The following SARM1 variants were observed in gnomAD, a reference collection of about 807,000 sequenced individuals.
SARM1 encodes the protein NAD(+) hydrolase SARM1.
In SARM1, 60 loss-of-function variants were observed where a neutral mutation model predicts 65.1. The observed-to-expected ratio is 0.92, with a 90% CI of 0.75 to 1.14. The LOEUF (loss-of-function observed/expected upper bound fraction) is 1.14, where lower values mean the gene tolerates loss of function less well. Among genes scored for constraint, SARM1 ranks in the 50% most tolerant of loss-of-function variants. The pLI is 0.00. For synonymous variants in SARM1, 417 were observed against 465.4 expected (o/e 0.90, Z 1.34); for missense variants, 913 against 1,015.7 (o/e 0.90, Z 1.37).
At chr17:28,387,153 C>G (rs2068054622) in intron 5 of SARM1, among the ~76,000 whole-genome samples, 2 of 152,042 alleles carry the variant, frequency 1.3e-5, no homozygotes, top group African/African-American at 4.8e-5. Context: ...GAATGACATG[C>G]TCAGATTTGG....
Position 28,385,584 on chromosome 17 carries a change from T to C in SARM1, c.1630+309T>C. 2.3e-6 allele frequency: 1 copy of C among 436,832 alleles called. No homozygotes were observed. The highest frequency in any genetic ancestry group is 4.1e-6 in the Non-Finnish European group (1 of 244,574). 27.1% of individuals were successfully genotyped at this position (436,832 alleles called of 1,614,324 possible). A position where few individuals can be genotyped will look rare whatever the true frequency, so the allele number is the denominator to read the frequency against. On this transcript the variant is annotated intron_variant, in intron 5 of 8. Coordinates refer to ENST00000585482, the MANE Select transcript of SARM1 (RefSeq NM_015077.4). The surrounding 1 kb of genome is among the most constrained non-coding windows in gnomAD (Gnocchi z 4.5). ...CCAGCCCACCCCATCCACCCAGGTC[T>C]AGATTTCAGAGAGGACAGGATGCCT...
Position 28,398,532 on chromosome 17 carries a change from G to C in SARM1, c.*2246G>C, listed in dbSNP as rs1275644313. 6.6e-6 allele frequency: 1 copy of C among 152,304 alleles called. No individual in the cohort carries two copies. Among genetic ancestry groups the C allele is most frequent in the East Asian group, 1.9e-4 (1 of 5,186 alleles). 9.4% of individuals were successfully genotyped at this position (152,304 alleles called of 1,614,324 possible). On this transcript the variant is annotated 3_prime_UTR_variant, in exon 9 of 9. Transcript: ENST00000585482. ...AGAAGTGGCCTTTCCTCCAAAGCCT[G>C]CTCAGACACAGGTCTGTAGGGCCAG...
rs2068045850 is a variant in SARM1, at chr17:28,385,372, C to T, written c.1630+97C>T. On this transcript the variant is annotated intron_variant, in intron 5 of 8. Transcript: ENST00000585482. This position sits in a 1 kb window ranked among gnomAD's most constrained non-coding sequence, Gnocchi z 4.5. ...ACGGGGTGGAGCCTTCCAGCCTCGC[C>T]GTGGATTGATTGAGCACAAACGTGG... 3 of 935,160 alleles carry T rather than the reference C, an allele frequency of 3.2e-6. No individual in the cohort carries two copies. In the African/African-American group the frequency reaches 5.0e-5, roughly 16 times the overall value. The allele number at this position is 935,160 out of a possible 1,614,324, so 57.9% of individuals were successfully genotyped here.
In SARM1 at chr17:28,403,201, G is replaced by C. The variant is rs1555590020; in HGVS notation, c.*6915G>C. On this transcript the variant is annotated 3_prime_UTR_variant, in exon 9 of 9. Transcript: ENST00000585482. ...GGACTTCTGGCCTCCAGAACTGTGA[G>C]AGAATATGTTTCTGTTGTGTTAAGC... 6.6e-6 allele frequency: 1 copy of C among 152,274 alleles called. No homozygotes were observed. Among genetic ancestry groups the C allele is most frequent in the African/African-American group, 2.4e-5 (1 of 41,444 alleles). 9.4% of individuals were successfully genotyped at this position (152,274 alleles called of 1,614,324 possible).
Position 28,372,507 on chromosome 17 carries a change from G to A in SARM1, c.470+5G>A, listed in dbSNP as rs1418688530. 1 of 1,525,498 alleles carries A rather than the reference G, an allele frequency of 6.6e-7. No individual in the cohort carries two copies. The highest frequency in any genetic ancestry group is 2.0e-5 in the Admixed American group (1 of 50,456). 94.5% of individuals were successfully genotyped at this position (1,525,498 alleles called of 1,614,324 possible). On this transcript the variant is annotated splice_donor_5th_base_variant and intron_variant, in intron 1 of 8. Coordinates refer to ENST00000585482, the MANE Select transcript of SARM1 (RefSeq NM_015077.4). This position sits in a 1 kb window ranked among gnomAD's most constrained non-coding sequence, Gnocchi z 5.2. ...GATCCTGGTGGCTGAGAACCGGTGA[G>A]CGCGCCAGGCCGGGGTTGGGAGAGC...
chr17:28,389,243 A>G (rs2068068887), intron 7 of SARM1, among the ~76,000 whole-genome samples: 1 of 152,192 alleles, frequency 6.6e-6, no homozygotes, highest in Non-Finnish European at 1.5e-5. Flanking sequence ...AGGGTATAAT[A>G]ATAGTATCTA....
At position 28,397,170 on chromosome 17, in the gene SARM1, A is replaced by G. The variant is rs537647948; in HGVS notation, c.*884A>G. The G allele has an allele frequency of 6.5e-6, 1 of 152,936 alleles. No homozygotes were observed. Among genetic ancestry groups the G allele is most frequent in the East Asian group, 1.9e-4 (1 of 5,198 alleles). The allele number at this position is 152,936 out of a possible 1,614,324, so 9.5% of individuals were successfully genotyped here. A position where few individuals can be genotyped will look rare whatever the true frequency, so the allele number is the denominator to read the frequency against. ...GGGACCAGGCAGCCCCCATGGCAGTAAAAGCAGCCTAGACAGAACCTGCAG... is the reference window on the plus strand; with the variant it reads ...GGGACCAGGCAGCCCCCATGGCAGTGAAAGCAGCCTAGACAGAACCTGCAG... On this transcript the variant is annotated 3_prime_UTR_variant, in exon 9 of 9. Coordinates refer to ENST00000585482, the MANE Select transcript of SARM1 (RefSeq NM_015077.4).
chr17:28,388,563 C>A (rs562369897), intron 7 of SARM1, 24 bp downstream of exon 7: 1 of 1,604,302 alleles, frequency 6.2e-7, no homozygotes, highest in Non-Finnish European at 8.5e-7. Context: ...TATGCTTCTG[C>A]GGTCCCAGCA....
chr17:28,391,186 C>A (rs531911869), intron 7 of SARM1, among the ~76,000 whole-genome samples: 146 of 152,244 alleles, frequency 9.6e-4, no homozygotes, highest in African/African-American at 3.4e-3. Context: ...GTATTTACAC[C>A]AAGGAAATTG....
rs35201495 is a variant in SARM1, at chr17:28,388,422, G to A, written c.1806G>A (p.Lys602=). The A allele has an allele frequency of 6.2e-7, 1 of 1,613,892 alleles. No individual in the cohort carries two copies. The highest frequency in any genetic ancestry group is 1.3e-5 in the African/African-American group (1 of 74,930). The part of the protein sequence containing the change: ...FIDVEKLEAG[K]FEDKLIQSVM... ...ATGTGGAGAAGCTGGAAGCAGGCAA[G>A]TTCGAGGACAAACTCATCCAGAGTG... is the stretch of plus-strand genomic sequence containing the variant. Residue 602 remains lysine (K), a synonymous_variant, in exon 7 of 9, where the codon AAG becomes AAA. Transcript: ENST00000585482.
chr17:28,385,572 T>A lies in SARM1; in HGVS notation c.1630+297T>A, dbSNP rs2068046851. ...CACAGAGGAAGCCCAGCCCACCCCA[T>A]CCACCCAGGTCTAGATTTCAGAGAG... On this transcript the variant is annotated intron_variant, in intron 5 of 8. Transcript: ENST00000585482. The surrounding 1 kb of genome is among the most constrained non-coding windows in gnomAD (Gnocchi z 4.5). The A allele has an allele frequency of 2.2e-6, 1 of 456,954 alleles. No homozygotes were observed. The highest frequency in any genetic ancestry group is 3.9e-6 in the Non-Finnish European group (1 of 256,952). 28.3% of individuals were successfully genotyped at this position (456,954 alleles called of 1,614,324 possible).
In SARM1 at chr17:28,396,018, CG is replaced by C. The variant is rs1448151242; in HGVS notation, c.2039del (p.Gly680ValfsTer64). On this transcript the variant is annotated frameshift_variant, in exon 8 of 9. Transcript: ENST00000585482. LOFTEE classifies it high-confidence loss of function. Reference sequence around the variant, plus strand: ...ACATGCAGGCTGTGCTTACTTTCAACGGTATCAAGTGAGCCCCAGGGCCCTG... The same window carrying C: ...ACATGCAGGCTGTGCTTACTTTCAACGTATCAAGTGAGCCCCAGGGCCCTG... ...EDMQAVLTFN[G>X]IKWSHEYQEA... 9 of 1,613,784 alleles carry C rather than the reference CG, an allele frequency of 5.6e-6. No homozygotes were observed. The highest frequency in any genetic ancestry group is 4.5e-5 in the East Asian group (2 of 44,874).
chr17:28,402,033 C>G lies in SARM1; in HGVS notation c.*5747C>G. The G allele has an allele frequency of 1.9e-6, 1 of 517,656 alleles. No homozygotes were observed. The highest frequency in any genetic ancestry group is 3.5e-6 in the Non-Finnish European group (1 of 287,982). 32.1% of individuals were successfully genotyped at this position (517,656 alleles called of 1,614,324 possible). ...AATTGTGCTCTGCTGACTGCAAATC[C>G]CAACTCTGCGGTTTGAAAATCCAAG... is the stretch of plus-strand genomic sequence containing the variant. On this transcript the variant is annotated 3_prime_UTR_variant, in exon 9 of 9. Transcript: ENST00000585482.
In SARM1 at chr17:28,384,743, C is replaced by G. The variant is rs1034282098; in HGVS notation, c.1303-96C>G. On this transcript the variant is annotated intron_variant, in intron 3 of 8. Transcript: ENST00000585482. This position sits in a 1 kb window ranked among gnomAD's most constrained non-coding sequence, Gnocchi z 4.4. ...GCTCTGATCTAGGTCCCATCCGCCT[C>G]CTCCACGCCATCTCCAGTTCCTTCC... is the stretch of plus-strand genomic sequence containing the variant. 11 of 1,294,584 alleles carry G rather than the reference C, an allele frequency of 8.5e-6. No homozygotes were observed. Among genetic ancestry groups the G allele is most frequent in the Non-Finnish European group, 1.2e-5 (11 of 917,324 alleles). 80.2% of individuals were successfully genotyped at this position (1,294,584 alleles called of 1,614,324 possible).
In SARM1 at chr17:28,384,363, A is replaced by G. The variant is rs782804317; in HGVS notation, c.1096A>G (p.Ser366Gly). Residue 366 changes from serine to glycine, a missense_variant, in exon 3 of 9, where the codon AGC becomes GGC. Transcript: ENST00000585482. The surrounding 1 kb of genome is among the most constrained non-coding windows in gnomAD (Gnocchi z 4.4). The part of the protein sequence containing the change: ...KSLQGKTKVF[S>G]DIGAIQSLKR... ...CTCCCCACTCCCTCCCTAGGTGTTC[A>G]GCGACATCGGCGCCATCCAGAGCCT... 37 of 1,586,744 alleles carry G rather than the reference A, an allele frequency of 2.3e-5. No homozygotes were observed. The highest frequency in any genetic ancestry group is 8.8e-5 in the Admixed American group (5 of 56,728).
intron 7 of SARM1, among the ~76,000 whole-genome samples, chr17:28,391,916 C>T (rs574747262): frequency 1.0e-3 from 138 of 134,404 alleles, no homozygotes; most frequent in African/African-American, 3.7e-3. Flanking sequence ...GATAGGGTTT[C>T]GCTATGTCAC....
rs559952349 is a variant in SARM1, at chr17:28,400,861, C to T, written c.*4575C>T. 1 of 1,133,548 alleles carries T rather than the reference C, an allele frequency of 8.8e-7. No homozygotes were observed. The allele number at this position is 1,133,548 out of a possible 1,614,324, so 70.2% of individuals were successfully genotyped here. A position where few individuals can be genotyped will look rare whatever the true frequency, so the allele number is the denominator to read the frequency against. Reference sequence around the variant, plus strand: ...ACAGCTGTGTGACCGGGAGTAGTCACTTAACCTATGTCTCCCCTTCCTCAC... The same window carrying T: ...ACAGCTGTGTGACCGGGAGTAGTCATTTAACCTATGTCTCCCCTTCCTCAC... On this transcript the variant is annotated 3_prime_UTR_variant, in exon 9 of 9. Coordinates refer to ENST00000585482, the MANE Select transcript of SARM1 (RefSeq NM_015077.4).
In SARM1 at chr17:28,371,895, T is replaced by C. The variant is rs1235987949; in HGVS notation, c.-138T>C. ...CCCCCAAACTTCTGACCGGCACCCT[T>C]GCCTGGTACCCTTCTCTCCATTCCT... On this transcript the variant is annotated 5_prime_UTR_variant, in exon 1 of 9. Transcript: ENST00000585482. 3.4e-6 allele frequency: 2 copies of C among 591,490 alleles called. No individual in the cohort carries two copies. Among genetic ancestry groups the C allele is most frequent in the Non-Finnish European group, 5.3e-6 (2 of 373,856 alleles). The allele number at this position is 591,490 out of a possible 1,614,324, so 36.6% of individuals were successfully genotyped here.
Position 28,400,337 on chromosome 17 carries a change from T to G in SARM1, c.*4051T>G. The G allele has an allele frequency of 4.5e-6, 2 of 448,136 alleles. No homozygotes were observed. Among genetic ancestry groups the G allele is most frequent in the Non-Finnish European group, 8.2e-6 (2 of 243,940 alleles). 27.8% of individuals were successfully genotyped at this position (448,136 alleles called of 1,614,324 possible). ...CATAGTTCCATCTATAAAATGGGAA[T>G]GGAGGGAAATAGGGGAACTGGGAGA... On this transcript the variant is annotated 3_prime_UTR_variant, in exon 9 of 9. Coordinates refer to ENST00000585482, the MANE Select transcript of SARM1 (RefSeq NM_015077.4).
Sources: allele counts gnomAD v4.1 joint callset (sites outside exome capture counted in the v4.1 genomes callset), GRCh38; gene constraint gnomAD v4.1.1; non-coding constraint Gnocchi (gnomAD v3.1); transcripts MANE v1.5; gene names NCBI Gene and HGNC (gene_info 2026-07-23, HGNC 2026-07-21).